The following CIB1 variants were observed in gnomAD, a reference collection of about 807,000 sequenced individuals.
CIB1 encodes calcium and integrin binding 1, also known as calcium and integrin-binding protein 1.
A neutral mutation model predicts 25.0 loss-of-function variants in CIB1; 19 were observed. The ratio of observed to expected loss-of-function variants is 0.76; its 90% CI spans 0.53 to 1.12. The LOEUF is 1.12. Ranked by LOEUF, CIB1 falls within the 50% of genes most tolerant of loss-of-function variation. The pLI is 0.00. For missense variants in CIB1, 236 were observed against 242.6 expected, an observed-to-expected ratio of 0.97 and a Z score of 0.18; for synonymous variants, 104 against 98.5, an observed-to-expected ratio of 1.06 and a Z score of -0.33.
the CIB1 span, among the ~76,000 whole-genome samples, chr15:90,256,545 T>TTTTCTTTCTTTCTTTCTTTCTTTC: frequency 1.9e-5 from 2 of 105,392 alleles, no homozygotes; most frequent in African/African-American, 3.2e-5. Flanking sequence ...TCTCCTTCCT[T>TTTTCTTTCTTTCTTTCTTTCTTTC]TTTCTTTCTT....
upstream of CIB1, chr15:90,236,076 T>G (rs1645804733): frequency 6.6e-6 from 1 of 152,182 alleles, no homozygotes; most frequent in Non-Finnish European, 1.5e-5. Context: ...TTCACTCCTG[T>G]TGCCCAGGCT....
chr15:90,265,271 G>A, the CIB1 span: 1 of 1,252,136 alleles, frequency 8.0e-7, no homozygotes, highest in Non-Finnish European at 1.0e-6. Context: ...GGTGCGGCCC[G>A]GGGCTGGAGG....
chr15:90,256,689 CCTCT>C, the CIB1 span, among the ~76,000 whole-genome samples: 11 of 149,444 alleles, frequency 7.4e-5, no homozygotes, highest in East Asian at 1.9e-4. Context: ...TTTCTCTCTA[CCTCT>C]CTCTCTCTTT....
At chr15:90,245,497 A>G in the CIB1 span, 2 of 151,780 alleles carry the variant, frequency 1.3e-5, no homozygotes, top group Non-Finnish European at 2.9e-5. Context: ...AGAAAAAAAC[A>G]GTTTACCATT....
intron 2 of CIB1, 23 bp downstream of exon 2, chr15:90,233,646 G>T (rs1292158617): frequency 6.4e-7 from 1 of 1,569,850 alleles, no homozygotes; most frequent in Non-Finnish European, 8.6e-7. Context: ...GGGGTCGGAG[G>T]CAGGGTTCAA....
chr15:90,240,905 C>G, the CIB1 span: 84 of 1,608,244 alleles, frequency 5.2e-5, no homozygotes, highest in Middle Eastern at 9.9e-4. Context: ...TTCAGGTCAG[C>G]TCTATGGCTC....
At chr15:90,244,098 C>T in the CIB1 span, 2 of 152,178 alleles carry the variant, frequency 1.3e-5, no homozygotes, top group African/African-American at 4.8e-5. Flanking sequence ...TGGAGACTGA[C>T]AGTTTGTACT....
chr15:90,244,915 C>T, the CIB1 span: 1 of 152,204 alleles, frequency 6.6e-6, no homozygotes, highest in African/African-American at 2.4e-5. Context: ...ATGAGAGTCC[C>T]TGTTCACAGC....
At chr15:90,247,489 G>C in the CIB1 span, among the ~76,000 whole-genome samples, 10 of 151,122 alleles carry the variant, frequency 6.6e-5, no homozygotes, top group Non-Finnish European at 1.5e-4. Context: ...AGAAGTCTGT[G>C]AATCGGGCAG....
upstream of CIB1, among the ~76,000 whole-genome samples, chr15:90,235,645 G>A (rs981263696): frequency 6.6e-6 from 1 of 151,792 alleles, no homozygotes; most frequent in Non-Finnish European, 1.5e-5. Context: ...TTGGCTCACT[G>A]CAAGCTCCGC....
the CIB1 span, among the ~76,000 whole-genome samples, chr15:90,251,869 C>G: frequency 6.6e-6 from 1 of 151,100 alleles, no homozygotes; most frequent in African/African-American, 2.4e-5. Context: ...CCCCACCCTT[C>G]CCAGATTTTA....
At chr15:90,246,535 C>T in the CIB1 span, among the ~76,000 whole-genome samples, 1 of 151,676 alleles carries the variant, frequency 6.6e-6, no homozygotes, top group African/African-American at 2.4e-5. Flanking sequence ...CCTGTAATCC[C>T]AGCAGCACTT....
upstream of CIB1, among the ~76,000 whole-genome samples, chr15:90,236,475 C>G (rs563040813): frequency 1.8e-4 from 27 of 152,338 alleles, no homozygotes; most frequent in African/African-American, 6.0e-4. Context: ...CTTCCTGATT[C>G]ATTTTGTACA....
chr15:90,232,558 C>G (rs1197198689), intron 2 of CIB1: 1 of 524,456 alleles, frequency 1.9e-6, no homozygotes, highest in African/African-American at 2.0e-5. Flanking sequence ...GTGCTTGGCA[C>G]TGATTCTAGA....
At chr15:90,255,363 A>G in the CIB1 span, among the ~76,000 whole-genome samples, 1 of 151,998 alleles carries the variant, frequency 6.6e-6, no homozygotes, top group Non-Finnish European at 1.5e-5. Context: ...GTTTCCTTTT[A>G]TCTTTTGTGT....
chr15:90,234,775 C>A (rs528737738), upstream of CIB1, among the ~76,000 whole-genome samples: 1 of 152,328 alleles, frequency 6.6e-6, no homozygotes, highest in African/African-American at 2.4e-5. Context: ...CACCCCTAGA[C>A]TGCTGACCCT....
the CIB1 span, among the ~76,000 whole-genome samples, chr15:90,261,050 T>G: frequency 1.3e-5 from 2 of 151,786 alleles, no homozygotes; most frequent in Non-Finnish European, 2.9e-5. Context: ...AAATTTTCTG[T>G]AATGAACGTA....
rs1400369707 is a variant in CIB1 at position 90,232,257 on chromosome 15, C to G, written c.157G>C (p.Val53Leu). The G allele has an allele frequency of 6.2e-7, 1 of 1,612,902 alleles. No homozygotes were observed. Among genetic ancestry groups the G allele is most frequent in the East Asian group, 2.2e-5 (1 of 44,836 alleles). ...AGGCTGAGAATCTGCTCGAAGGGCA[C>G]TTGTGCCCGAAGTGACGACTCCACG... ...RSVESSLRAQ[V>L]PFEQILSLPE... The change falls in exon 3 of 7, where the codon GTG becomes CTG. Residue 53 changes from valine (V) to leucine (L), a missense_variant. Physicochemically the swap from Val to Leu is conservative, Grantham distance 32 (BLOSUM62 1). Coordinates refer to ENST00000328649, the MANE Select transcript of CIB1 (RefSeq NM_006384.4).
chr15:90,263,946 G>C, the CIB1 span: 2 of 1,533,334 alleles, frequency 1.3e-6, no homozygotes, highest in Admixed American at 3.9e-5. Flanking sequence ...ACCATCTGCA[G>C]CCCAAGAACT....
Sources: allele counts gnomAD v4.1 joint callset (sites outside exome capture counted in the v4.1 genomes callset), GRCh38; gene constraint gnomAD v4.1.1; transcripts MANE v1.5; gene names NCBI Gene and HGNC (gene_info 2026-07-23, HGNC 2026-07-21).